LPAR3: variants seen among roughly 807,000 people sequenced by gnomAD.
The protein encoded by LPAR3 is lysophosphatidic acid receptor 3.
A neutral mutation model predicts 17.8 loss-of-function variants in LPAR3; 7 were observed. The observed-to-expected ratio is 0.39, with a 90% confidence interval of 0.22 to 0.74. The LOEUF (loss-of-function observed/expected upper bound fraction) is 0.74. Among genes scored for constraint, LPAR3 ranks in the 30% least tolerant of loss-of-function variants. The pLI is 0.40. For synonymous variants in LPAR3, 179 were observed against 179.9 expected (o/e 0.99, Z 0.04); for missense variants, 391 against 453.4 (o/e 0.86, Z 1.25).
intron 1 of LPAR3, among the ~76,000 whole-genome samples, chr1:84,869,307 T>G (rs1660112239): frequency 6.6e-6 from 1 of 152,186 alleles, no homozygotes; most frequent in South Asian, 2.1e-4. Flanking sequence ...TGCAAAGCAA[T>G]TTTGTCTGAC....
At chr1:84,823,351 A>T (rs191092036) in intron 2 of LPAR3, among the ~76,000 whole-genome samples, 1 of 152,312 alleles carries the variant, frequency 6.6e-6, no homozygotes, top group African/African-American at 2.4e-5. Context: ...ATAACTCAGA[A>T]AATAGATTGT....
chr1:84,857,246 T>A (rs901319298), intron 2 of LPAR3, among the ~76,000 whole-genome samples: 1 of 152,164 alleles, frequency 6.6e-6, no homozygotes, highest in Non-Finnish European at 1.5e-5. Flanking sequence ...AGAATCAAAC[T>A]AAGGTCTAAG....
chr1:84,866,205 G>T, intron 1 of LPAR3, 67 bp from the exon 2 acceptor site: 1 of 1,252,022 alleles, frequency 8.0e-7, no homozygotes, highest in Non-Finnish European at 1.1e-6. Context: ...ATCAATTGCT[G>T]TTTCTAAGCC....
intron 1 of LPAR3, among the ~76,000 whole-genome samples, chr1:84,872,901 T>C (rs1660182581): frequency 1.3e-5 from 2 of 152,206 alleles, no homozygotes; most frequent in Admixed American, 1.3e-4. Flanking sequence ...ATAAGATGTA[T>C]TACTTCATGA....
chr1:84,890,171 G>C (rs1434227768), intron 1 of LPAR3, among the ~76,000 whole-genome samples: 1 of 152,146 alleles, frequency 6.6e-6, no homozygotes, highest in Non-Finnish European at 1.5e-5. Flanking sequence ...GAGGAACAAA[G>C]GATCATCAAG....
At chr1:84,873,478 T>C (rs1026911608) in intron 1 of LPAR3, among the ~76,000 whole-genome samples, 3 of 152,228 alleles carry the variant, frequency 2.0e-5, no homozygotes, top group African/African-American at 7.2e-5. Flanking sequence ...GCAGTTACTT[T>C]ACTCTTTGAT....
At chr1:84,883,766 G>A (rs1048958909) in intron 1 of LPAR3, among the ~76,000 whole-genome samples, 1 of 147,538 alleles carries the variant, frequency 6.8e-6, no homozygotes, top group African/African-American at 2.5e-5. Flanking sequence ...GCCTCTTTTT[G>A]GAAGCAGTCT....
chr1:84,815,796 T>C (rs1658921352), intron 2 of LPAR3, among the ~76,000 whole-genome samples: 1 of 152,216 alleles, frequency 6.6e-6, no homozygotes, highest in African/African-American at 2.4e-5. Context: ...GCAGTTATCA[T>C]GAGGTGCTCT....
chr1:84,875,639 A>G lies in LPAR3; in HGVS notation c.-18-9501T>C, dbSNP rs185590400. On this transcript the variant is annotated intron_variant, in intron 1 of 2. Coordinates refer to ENST00000370611, the MANE Select transcript of LPAR3 (RefSeq NM_012152.3). ...AGAAATACATTTATTTTCTTTATAAATTACCCAGTCTCTGGTATTCTCTTT... is the reference window on the plus strand; with the variant it reads ...AGAAATACATTTATTTTCTTTATAAGTTACCCAGTCTCTGGTATTCTCTTT... Among the ~76,000 whole-genome samples, 34 of 152,354 alleles carry G rather than the reference A, an allele frequency of 2.2e-4. No homozygotes were observed. The East Asian group carries it at 6.4e-3, about 29-fold the overall frequency.
At chr1:84,816,221 A>G (rs1384989886) in intron 2 of LPAR3, among the ~76,000 whole-genome samples, 1 of 152,236 alleles carries the variant, frequency 6.6e-6, no homozygotes, top group Non-Finnish European at 1.5e-5. Flanking sequence ...TGCAACTACC[A>G]ACTTGAGAAT....
chr1:84,834,762 C>G (rs1214618412), intron 2 of LPAR3, among the ~76,000 whole-genome samples: 1 of 152,156 alleles, frequency 6.6e-6, no homozygotes, highest in Non-Finnish European at 1.5e-5. Flanking sequence ...ATCACAGACT[C>G]TGAGACTTGC....
intron 2 of LPAR3, among the ~76,000 whole-genome samples, chr1:84,823,153 A>C (rs530424894): frequency 1.6e-4 from 25 of 152,290 alleles, no homozygotes; most frequent in African/African-American, 6.0e-4. Context: ...GGAATTTTTA[A>C]AGTAGAATTT....
Position 84,814,011 on chromosome 1 carries a change from G to A in LPAR3, c.897C>T (p.Asp299=), listed in dbSNP as rs184472121. The change falls in exon 3 of 3, where the codon GAC becomes GAT. Residue 299 remains aspartate, a synonymous_variant. Transcript: ENST00000370611. ...NPIIYSYKDE[D]MYGTMKKMIC... is the part of the protein sequence containing the mutation. ...TCATCTTCTTCATGGTGCCATACAT[G>A]TCCTCGTCCTTGTAGGAGTAGATGA... is the stretch of plus-strand genomic sequence containing the variant. 2.5e-5 allele frequency: 40 copies of A among 1,614,164 alleles called. No homozygotes were observed. The East Asian group carries it at 3.1e-4, about 13-fold the overall frequency.
chr1:84,868,190 A>G (rs1040096252), intron 1 of LPAR3, among the ~76,000 whole-genome samples: 1 of 152,082 alleles, frequency 6.6e-6, no homozygotes, highest in African/African-American at 2.4e-5. Context: ...GCTCACTGCA[A>G]CCTCTGCCTC....
chr1:84,874,550 G>A (rs141333157), intron 1 of LPAR3, among the ~76,000 whole-genome samples: 2 of 152,152 alleles, frequency 1.3e-5, no homozygotes, highest in African/African-American at 4.8e-5. Context: ...AAGCAAACAT[G>A]AAAACATACA....
In LPAR3 at chr1:84,813,602, CAGTTCAT is replaced by C; in HGVS notation, c.*237_*243del. 2.3e-6 allele frequency: 1 copy of C among 442,712 alleles called. No homozygotes were observed. Among genetic ancestry groups the C allele is most frequent in the South Asian group, 3.7e-5 (1 of 27,252 alleles). 27.4% of individuals were successfully genotyped at this position (442,712 alleles called of 1,614,324 possible). ...CAGCTGGACTGACAGGAGCTCTGAG[CAGTTCAT>C]AGGACAAGCAGGGACCCGCCGAACC... On this transcript the variant is annotated 3_prime_UTR_variant, in exon 3 of 3. Coordinates refer to ENST00000370611, the MANE Select transcript of LPAR3 (RefSeq NM_012152.3).
intron 2 of LPAR3, among the ~76,000 whole-genome samples, chr1:84,818,674 G>A (rs1237510005): frequency 6.6e-6 from 1 of 152,136 alleles, no homozygotes. Context: ...GAACACTATC[G>A]TATCTTTAGA....
chr1:84,842,376 G>A (rs996394016), intron 2 of LPAR3, among the ~76,000 whole-genome samples: 4 of 152,206 alleles, frequency 2.6e-5, no homozygotes, highest in Non-Finnish European at 5.9e-5. Context: ...TTCAGTCACT[G>A]GTCAAAAGCC....
chr1:84,836,338 TA>T (rs77497063), intron 2 of LPAR3, among the ~76,000 whole-genome samples: 82 of 129,060 alleles, frequency 6.4e-4, no homozygotes, highest in Admixed American at 7.3e-4. Context: ...ATCCTGTCTT[TA>T]AAAAAAAAAA....
Sources: gnomAD v4.1 joint callset for allele counts (sites outside exome capture counted in the v4.1 genomes callset) on GRCh38, gnomAD v4.1.1 for gene constraint, MANE v1.5 for transcripts, NCBI Gene and HGNC (gene_info 2026-07-23, HGNC 2026-07-21) for gene names.